Variants in HPSE2 observed in about 807,000 individuals in gnomAD.
HPSE2 encodes inactive heparanase-2.
HPSE2 carries 38 observed loss-of-function variants against 60.5 expected under a neutral mutation model. The ratio of observed to expected loss-of-function variants is 0.63; its 90% CI spans 0.48 to 0.82. HPSE2 has a LOEUF of 0.82. Ranked by LOEUF, HPSE2 falls within the 40% of genes least tolerant of loss-of-function variation. The pLI is 0.00. For synonymous variants in HPSE2, 295 were observed against 293.2 expected (o/e 1.01, Z -0.06); for missense variants, 713 against 740.4 (o/e 0.96, Z 0.43).
intron 3 of HPSE2, among the ~76,000 whole-genome samples, chr10:98,837,220 AT>A (rs1002250472): frequency 3.9e-5 from 6 of 152,232 alleles, no homozygotes; most frequent in African/African-American, 1.4e-4. Context: ...ATAATCATTA[AT>A]ACTCATAGTT....
At chr10:98,967,294 G>C (rs142868517) in intron 3 of HPSE2, among the ~76,000 whole-genome samples, 1 of 152,304 alleles carries the variant, frequency 6.6e-6, no homozygotes, top group East Asian at 1.9e-4. Flanking sequence ...TGGAGTTTAT[G>C]ATACTGTAGA....
chr10:99,315,107 TA>T, the HPSE2 span, among the ~76,000 whole-genome samples: 1 of 152,236 alleles, frequency 6.6e-6, no homozygotes, highest in Non-Finnish European at 1.5e-5. Flanking sequence ...AGATATTTTT[TA>T]AAACTAGGGA....
At chr10:98,489,068 T>G (rs1316069856) in intron 10 of HPSE2, among the ~76,000 whole-genome samples, 1 of 152,216 alleles carries the variant, frequency 6.6e-6, no homozygotes, top group East Asian at 1.9e-4. Context: ...CAGTTCCTGA[T>G]AGGCCTGGGC....
At chr10:98,755,198 A>G (rs1323421605) in intron 3 of HPSE2, among the ~76,000 whole-genome samples, 1 of 152,186 alleles carries the variant, frequency 6.6e-6, no homozygotes, top group Non-Finnish European at 1.5e-5. Flanking sequence ...GCAAACAGAA[A>G]ACAAAAAAGA....
chr10:98,978,299 TC>T (rs1231489715), intron 3 of HPSE2, among the ~76,000 whole-genome samples: 6 of 152,098 alleles, frequency 3.9e-5, no homozygotes, highest in Non-Finnish European at 8.8e-5. Flanking sequence ...TTAAAAAAAA[TC>T]CCTGTTATTT....
At chr10:98,740,329 C>T (rs1458755314) in intron 4 of HPSE2, among the ~76,000 whole-genome samples, 1 of 151,936 alleles carries the variant, frequency 6.6e-6, no homozygotes, top group Non-Finnish European at 1.5e-5. Flanking sequence ...GTGCATGCTA[C>T]CACGCCCAGC....
chr10:99,215,057 G>C lies in HPSE2; in HGVS notation c.448+17291C>G, dbSNP rs146576929. Reference sequence around the variant, plus strand: ...ATTCCTCAAGGATTTAGTACCAGAAGTACCATTTGACTCAGCAATCCCATT... The same window carrying C: ...ATTCCTCAAGGATTTAGTACCAGAACTACCATTTGACTCAGCAATCCCATT... On this transcript the variant is annotated intron_variant, in intron 2 of 11. Transcript: ENST00000370552. Among the ~76,000 whole-genome samples, 1,349 of 152,176 alleles carry C rather than the reference G, an allele frequency of 8.9e-3. 14 individuals carry two copies. Among genetic ancestry groups the C allele is most frequent in the African/African-American group, 0.031 (1,291 of 41,534 alleles).
chr10:98,513,696 A>G (rs1043329540), intron 9 of HPSE2, among the ~76,000 whole-genome samples: 8 of 152,188 alleles, frequency 5.3e-5, no homozygotes, highest in African/African-American at 1.9e-4. Context: ...GGTAAGAGCT[A>G]TTTTTTGGCA....
chr10:99,050,007 A>C (rs1957952395), intron 3 of HPSE2, among the ~76,000 whole-genome samples: 1 of 152,222 alleles, frequency 6.6e-6, no homozygotes, highest in Admixed American at 6.5e-5. Context: ...CCAGTCATTA[A>C]GGAAATGTAA....
intron 3 of HPSE2, among the ~76,000 whole-genome samples, chr10:98,854,584 C>T (rs1952262676): frequency 6.6e-6 from 1 of 152,136 alleles, no homozygotes; most frequent in Admixed American, 6.5e-5. Context: ...TACACATAAA[C>T]AGCTAGGGGG....
intron 3 of HPSE2, among the ~76,000 whole-genome samples, chr10:98,781,820 C>G (rs1261935450): frequency 6.6e-6 from 1 of 151,454 alleles, no homozygotes; most frequent in Non-Finnish European, 1.5e-5. Flanking sequence ...ATCGTTGGAT[C>G]TAGTCATTTC....
chr10:99,160,690 G>C (rs1846794945), intron 2 of HPSE2, among the ~76,000 whole-genome samples: 1 of 151,764 alleles, frequency 6.6e-6, no homozygotes, highest in Non-Finnish European at 1.5e-5. Context: ...ACGAGGTCAG[G>C]AGATCGAGAC....
At chr10:98,667,874 C>A (rs913284037) in intron 6 of HPSE2, among the ~76,000 whole-genome samples, 2 of 152,114 alleles carry the variant, frequency 1.3e-5, no homozygotes, top group East Asian at 1.9e-4. Context: ...TGGAACAAGA[C>A]GAGGATGCCC....
chr10:98,560,157 T>C (rs962883134), intron 9 of HPSE2, among the ~76,000 whole-genome samples: 12 of 152,330 alleles, frequency 7.9e-5, no homozygotes, highest in African/African-American at 2.6e-4. Context: ...CTACTCTCTC[T>C]GAGTCGCTTA....
At chr10:98,789,294 T>C (rs957350041) in intron 3 of HPSE2, among the ~76,000 whole-genome samples, 8 of 152,196 alleles carry the variant, frequency 5.3e-5, no homozygotes, top group African/African-American at 1.9e-4. Flanking sequence ...CAGAGACACA[T>C]GCTTGGGACA....
chr10:98,947,528 G>A (rs987186051), intron 3 of HPSE2, among the ~76,000 whole-genome samples: 2 of 152,102 alleles, frequency 1.3e-5, no homozygotes, highest in African/African-American at 4.8e-5. Context: ...GCACCATTAA[G>A]AAAATTTTAA....
At chr10:98,794,313 TCTC>T (rs142265606) in intron 3 of HPSE2, among the ~76,000 whole-genome samples, 7,825 of 151,462 alleles carry the variant, frequency 0.052, 446 homozygotes, top group East Asian at 0.17. Context: ...AGATCTGAGC[TCTC>T]CACTGCAACC....
intron 4 of HPSE2, among the ~76,000 whole-genome samples, chr10:98,729,476 G>A (rs1949175063): frequency 6.6e-6 from 1 of 152,086 alleles, no homozygotes; most frequent in African/African-American, 2.4e-5. Flanking sequence ...GGGCGTGGTG[G>A]CGGGCGCCTG....
intron 3 of HPSE2, among the ~76,000 whole-genome samples, chr10:98,893,842 C>T (rs988565751): frequency 6.7e-6 from 1 of 150,286 alleles, no homozygotes; most frequent in African/African-American, 2.5e-5. Flanking sequence ...AGAAGTCAGA[C>T]AGAGGATCCC....
Sources: gnomAD v4.1 joint callset for allele counts (sites outside exome capture counted in the v4.1 genomes callset) on GRCh38, gnomAD v4.1.1 for gene constraint, MANE v1.5 for transcripts, NCBI Gene and HGNC (gene_info 2026-07-23, HGNC 2026-07-21) for gene names.